Variants in GALNTL6 observed in about 807,000 individuals in gnomAD.
GALNTL6 encodes the protein polypeptide N-acetylgalactosaminyltransferase-like 6.
GALNTL6 carries 46 observed loss-of-function variants against 73.7 expected under a neutral mutation model. The observed-to-expected ratio is 0.62, with a 90% CI of 0.49 to 0.80. The LOEUF (loss-of-function observed/expected upper bound fraction) is 0.80. Ranked by LOEUF, GALNTL6 falls within the 30% of genes least tolerant of loss-of-function variation. The probability of loss-of-function intolerance (pLI) is 0.00; values close to 1 mark genes in which losing one functional copy is unlikely to be tolerated. For synonymous variants in GALNTL6, 259 were observed against 263.7 expected (o/e 0.98, Z 0.17); for missense variants, 604 against 755.0 (o/e 0.80, Z 2.34).
chr4:172,218,851 A>G (rs374107929), intron 2 of GALNTL6, among the ~76,000 whole-genome samples: 25 of 151,954 alleles, frequency 1.6e-4, no homozygotes, highest in African/African-American at 5.3e-4. Context: ...ATGAAGTGAT[A>G]TATTTAATGA....
chr4:172,916,224 C>A (rs534146750), intron 8 of GALNTL6, among the ~76,000 whole-genome samples: 4,244 of 152,168 alleles, frequency 0.028, 208 homozygotes, highest in African/African-American at 0.097. Flanking sequence ...ACTCAATAAA[C>A]TAGGTATTGA....
At chr4:172,244,139 A>G (rs777031261) in intron 3 of GALNTL6, among the ~76,000 whole-genome samples, 1 of 152,174 alleles carries the variant, frequency 6.6e-6, no homozygotes, top group Admixed American at 6.5e-5. Flanking sequence ...AACAATATTC[A>G]TTATTATTCA....
At chr4:172,302,123 G>A (rs1402109517) in intron 3 of GALNTL6, among the ~76,000 whole-genome samples, 2 of 152,192 alleles carry the variant, frequency 1.3e-5, no homozygotes, top group East Asian at 3.9e-4. Context: ...TCAGACTGCT[G>A]TGCTAGCAAT....
intron 2 of GALNTL6, among the ~76,000 whole-genome samples, chr4:171,844,854 T>C (rs1257764195): frequency 6.6e-6 from 1 of 152,182 alleles, no homozygotes; most frequent in Admixed American, 6.5e-5. Context: ...AGGGACTTTC[T>C]TTGGAGATGC....
chr4:172,507,201 A>G lies in GALNTL6; in HGVS notation c.553+158512A>G, dbSNP rs1734395414. 3.6e-5 allele frequency among the ~76,000 whole-genome samples: 2 copies of G among 55,358 alleles called. 1 individual carries two copies. The highest frequency in any genetic ancestry group is 9.0e-5 in the African/African-American group (2 of 22,142). The allele number at this position is 55,358 out of a possible 152,430, so 36.3% of individuals were successfully genotyped here. On this transcript the variant is annotated intron_variant, in intron 5 of 12. Transcript: ENST00000506823. ...CCCTCTTGGAAATGAGGATCTTATG[A>G]CCTACAGTCAAACAAGATAAGTCAG...
At chr4:172,690,256 C>A (rs934407363) in intron 5 of GALNTL6, among the ~76,000 whole-genome samples, 3 of 152,070 alleles carry the variant, frequency 2.0e-5, no homozygotes, top group Non-Finnish European at 4.4e-5. Context: ...ACTTCTTATT[C>A]TTTTGTCTTG....
In GALNTL6 at chr4:172,857,479, T is replaced by C. The variant is rs189491650; in HGVS notation, c.924-25311T>C. 8.5e-5 allele frequency among the ~76,000 whole-genome samples: 13 copies of C among 152,262 alleles called. No individual in the cohort carries two copies. The East Asian group carries it at 2.3e-3, about 27-fold the overall frequency. On this transcript the variant is annotated intron_variant, in intron 7 of 12. Transcript: ENST00000506823. ...AAGGCCTATTTTATCAATATGTATG[T>C]GCAAGGCATTGGAATTTGAAAAGAC...
chr4:172,491,095 G>A (rs969017037), intron 5 of GALNTL6, among the ~76,000 whole-genome samples: 1 of 152,068 alleles, frequency 6.6e-6, no homozygotes, highest in African/African-American at 2.4e-5. Context: ...TTTTACATGT[G>A]AGAAAACAGT....
intron 4 of GALNTL6, among the ~76,000 whole-genome samples, chr4:172,324,942 T>C (rs1578956452): frequency 2.0e-5 from 3 of 151,558 alleles, no homozygotes; most frequent in Non-Finnish European, 4.4e-5. Context: ...TATAGGTAAA[T>C]GTGTAGATTT....
At chr4:172,355,509 C>T (rs917212820) in intron 5 of GALNTL6, among the ~76,000 whole-genome samples, 1 of 152,064 alleles carries the variant, frequency 6.6e-6, no homozygotes, top group African/African-American at 2.4e-5. Flanking sequence ...TCTTAGTTAT[C>T]ACATGTAGTA....
chr4:172,180,415 T>C (rs985900191), intron 2 of GALNTL6, among the ~76,000 whole-genome samples: 3 of 152,060 alleles, frequency 2.0e-5, no homozygotes, highest in East Asian at 1.9e-4. Context: ...ATTCTGGTGA[T>C]AGTTTTTTTT....
chr4:172,765,968 T>C (rs140205057), intron 5 of GALNTL6, among the ~76,000 whole-genome samples: 1 of 152,228 alleles, frequency 6.6e-6, no homozygotes, highest in African/African-American at 2.4e-5. Flanking sequence ...ATAATGATAT[T>C]AGAGAAAGAA....
At chr4:172,296,110 A>C (rs775649380) in intron 3 of GALNTL6, among the ~76,000 whole-genome samples, 2 of 152,048 alleles carry the variant, frequency 1.3e-5, no homozygotes, top group African/African-American at 2.4e-5. Flanking sequence ...CTGTATTTTC[A>C]TTGTGGATAC....
intron 5 of GALNTL6, among the ~76,000 whole-genome samples, chr4:172,467,912 TGAG>T (rs1732893894): frequency 6.7e-6 from 1 of 149,588 alleles, no homozygotes; most frequent in African/African-American, 2.5e-5. Flanking sequence ...TTTTTTTACT[TGAG>T]GCAGGATCTT....
chr4:171,849,633 A>G (rs778741007), intron 2 of GALNTL6, among the ~76,000 whole-genome samples: 2 of 152,192 alleles, frequency 1.3e-5, no homozygotes, highest in African/African-American at 2.4e-5. Context: ...GTAAATTTAC[A>G]TTGAGAAATT....
At chr4:172,748,181 A>G (rs1192550659) in intron 5 of GALNTL6, among the ~76,000 whole-genome samples, 1 of 152,206 alleles carries the variant, frequency 6.6e-6, no homozygotes, top group Non-Finnish European at 1.5e-5. Flanking sequence ...AAGTAAGATA[A>G]TTATTACCTG....
chr4:172,503,526 G>GTGTATATATATATATA (rs1307566035), intron 5 of GALNTL6, among the ~76,000 whole-genome samples: 4 of 85,932 alleles, frequency 4.7e-5, no homozygotes, highest in Non-Finnish European at 7.3e-5. Context: ...ACATAGAGTA[G>GTGTATATATATATATA]TATATATATA....
At chr4:172,813,373 C>A (rs1031358438) in intron 6 of GALNTL6, among the ~76,000 whole-genome samples, 167 bp from the exon 7 acceptor site, 2 of 152,120 alleles carry the variant, frequency 1.3e-5, no homozygotes, top group African/African-American at 4.8e-5. Context: ...TGTCCCATCA[C>A]ATTAAGTCCA....
chr4:172,284,133 G>A (rs1299044507), intron 3 of GALNTL6, among the ~76,000 whole-genome samples: 1 of 151,936 alleles, frequency 6.6e-6, no homozygotes, highest in East Asian at 1.9e-4. Flanking sequence ...AGCAGTCTAG[G>A]CACTTTGCTT....
Sources: gnomAD v4.1 joint callset for allele counts (sites outside exome capture counted in the v4.1 genomes callset) on GRCh38, gnomAD v4.1.1 for gene constraint, MANE v1.5 for transcripts, NCBI Gene and HGNC (gene_info 2026-07-23, HGNC 2026-07-21) for gene names.